Variants in MPP7 observed in about 807,000 individuals in gnomAD.
MPP7 encodes MAGUK p55 scaffold protein 7, also known as MAGUK p55 subfamily member 7.
In MPP7, 60 loss-of-function variants were observed where a neutral mutation model predicts 76.5. The ratio of observed to expected loss-of-function variants is 0.78; its 90% CI spans 0.64 to 0.97. MPP7 has a LOEUF of 0.97. MPP7 is among the 50% of genes least tolerant of loss of function. The pLI is 0.00. For synonymous variants in MPP7, 237 were observed against 244.5 expected, an observed-to-expected ratio of 0.97 and a Z score of 0.29; for missense variants, 641 against 694.0, an observed-to-expected ratio of 0.92 and a Z score of 0.86.
rs185536684 is a variant in MPP7 at position 28,146,203 on chromosome 10, C to T, written c.315+1280G>A. On this transcript the variant is annotated intron_variant, in intron 5 of 16. Coordinates refer to ENST00000683449, the MANE Select transcript of MPP7 (RefSeq NM_001318170.2). ...ACGTTTTTACACACTTTGTATTTAA[C>T]ATCAAGGAACTTTTCTGCTCTAATC... Among the ~76,000 whole-genome samples, 274 of 152,270 alleles carry T rather than the reference C, an allele frequency of 1.8e-3. 1 individual carries two copies. Among genetic ancestry groups the T allele is most frequent in the Admixed American group, 3.5e-3 (54 of 15,290 alleles).
At chr10:28,293,738 T>TA (rs146924119) in intron 1 of MPP7, among the ~76,000 whole-genome samples, 1,657 of 152,276 alleles carry the variant, frequency 0.011, 22 homozygotes, top group African/African-American at 0.038. Context: ...AGTCTCTACA[T>TA]ACCAGGAACT....
chr10:28,243,319 C>T (rs955399259), intron 1 of MPP7, among the ~76,000 whole-genome samples: 8 of 152,078 alleles, frequency 5.3e-5, no homozygotes, highest in African/African-American at 1.9e-4. Flanking sequence ...GAACCAAGTC[C>T]CCACTTTGCA....
intron 2 of MPP7, among the ~76,000 whole-genome samples, chr10:28,313,518 TA>T (rs1204078166): frequency 2.3e-5 from 3 of 128,352 alleles, no homozygotes; most frequent in Non-Finnish European, 3.5e-5. Context: ...AAAGATAAAA[TA>T]AAAAAAAAGG....
intron 2 of MPP7, among the ~76,000 whole-genome samples, chr10:28,324,334 TGCAAG>T (rs762371060): frequency 6.6e-5 from 10 of 152,194 alleles, no homozygotes; most frequent in Non-Finnish European, 1.3e-4. Flanking sequence ...TCTCTATAAC[TGCAAG>T]AAAGAAATTT....
intron 11 of MPP7, among the ~76,000 whole-genome samples, chr10:28,092,319 G>T (rs548788565): frequency 6.6e-6 from 1 of 152,262 alleles, no homozygotes; most frequent in South Asian, 2.1e-4. Context: ...CTTTACAAAG[G>T]TAAAGAGGAG....
intron 2 of MPP7, among the ~76,000 whole-genome samples, chr10:28,328,627 G>C (rs564116854): frequency 5.3e-5 from 8 of 150,608 alleles, no homozygotes; most frequent in Admixed American, 5.3e-4. Context: ...GAGTAGAAAG[G>C]CTTATGTGCT....
chr10:28,290,525 T>C (rs1350522436), intron 1 of MPP7, among the ~76,000 whole-genome samples: 1 of 152,122 alleles, frequency 6.6e-6, no homozygotes, highest in Non-Finnish European at 1.5e-5. Context: ...CAGGCTGGAG[T>C]GCAATGGCAC....
chr10:28,310,203 T>C (rs1018582747), intron 2 of MPP7, among the ~76,000 whole-genome samples: 2 of 152,058 alleles, frequency 1.3e-5, no homozygotes, highest in African/African-American at 4.8e-5. Context: ...GGTTTCACCA[T>C]GTTGGCCAGG....
chr10:28,257,066 A>G (rs1258806724), intron 1 of MPP7, among the ~76,000 whole-genome samples: 6 of 152,214 alleles, frequency 3.9e-5, no homozygotes. Flanking sequence ...CAGAAACAGC[A>G]TAAGTTTCAA....
intron 3 of MPP7, among the ~76,000 whole-genome samples, chr10:28,185,227 G>T (rs1231624924): frequency 6.7e-6 from 1 of 148,908 alleles, no homozygotes; most frequent in African/African-American, 2.5e-5. Context: ...AGTATAATAT[G>T]ATATATTAAG....
chr10:28,054,152 G>A lies in MPP7; in HGVS notation c.1644C>T (p.Leu548=). 1.2e-6 allele frequency: 2 copies of A among 1,610,448 alleles called. No individual in the cohort carries two copies. Among genetic ancestry groups the A allele is most frequent in the South Asian group, 1.1e-5 (1 of 90,882 alleles). ...TTTTGAGCTCATTGAATGCCACAGTGAGGTCATCATTTATTATAATTTTGT... is the reference window on the plus strand; with the variant it reads ...TTTTGAGCTCATTGAATGCCACAGTAAGGTCATCATTTATTATAATTTTGT... The part of the protein sequence containing the change: ...LFDKIIINDD[L]TVAFNELKTT... The change falls in exon 17 of 17, where the codon CTC becomes CTT. Residue 548 remains leucine (L), a synonymous_variant. Coordinates refer to ENST00000683449, the MANE Select transcript of MPP7 (RefSeq NM_001318170.2).
intron 1 of MPP7, among the ~76,000 whole-genome samples, chr10:28,278,538 T>C (rs1214973523): frequency 6.6e-6 from 1 of 151,560 alleles, no homozygotes; most frequent in Non-Finnish European, 1.5e-5. Context: ...TAAAATGTCA[T>C]CTGGTCTCTA....
At chr10:28,090,999 A>G (rs1328434043) in intron 11 of MPP7, among the ~76,000 whole-genome samples, 5 of 152,122 alleles carry the variant, frequency 3.3e-5, no homozygotes, top group East Asian at 1.9e-4. Context: ...ATACAAAAAA[A>G]TTAGCTAAGT....
At position 28,102,022 on chromosome 10, in the gene MPP7, T is replaced by C. The variant is rs374448007; in HGVS notation, c.953-12181A>G. On this transcript the variant is annotated intron_variant, in intron 11 of 16. Coordinates refer to ENST00000683449, the MANE Select transcript of MPP7 (RefSeq NM_001318170.2). ...ATATACATATATAAACATATATGAT[T>C]TGACAGTCTTTATATACAGGCAGCC... Among the ~76,000 whole-genome samples, 53 of 152,322 alleles carry C rather than the reference T, an allele frequency of 3.5e-4. 3 individuals carry two copies. In the South Asian group the frequency reaches 0.011, roughly 30 times the overall value.
chr10:28,202,028 G>A (rs984163421), intron 3 of MPP7, 125 bp downstream of exon 3: 7 of 685,574 alleles, frequency 1.0e-5, no homozygotes, highest in South Asian at 3.7e-5. Flanking sequence ...CACGCCCGTC[G>A]GTGAATGGAA....
At chr10:28,265,204 C>T (rs1256279062) in intron 1 of MPP7, among the ~76,000 whole-genome samples, 1 of 152,044 alleles carries the variant, frequency 6.6e-6, no homozygotes, top group Admixed American at 6.6e-5. Flanking sequence ...GATGCAAAAA[C>T]GAGAAGGGGT....
chr10:28,174,801 C>A (rs943840060), intron 3 of MPP7, among the ~76,000 whole-genome samples: 3 of 152,140 alleles, frequency 2.0e-5, no homozygotes, highest in Non-Finnish European at 4.4e-5. Flanking sequence ...AGTGGCATTA[C>A]CAAAGTGGTC....
intron 3 of MPP7, among the ~76,000 whole-genome samples, chr10:28,152,120 C>T (rs904125479): frequency 1.3e-5 from 2 of 152,104 alleles, no homozygotes; most frequent in African/African-American, 2.4e-5. Flanking sequence ...CAAATAAACA[C>T]ATTATTTCTC....
chr10:28,068,215 C>G (rs894849663), intron 13 of MPP7, among the ~76,000 whole-genome samples: 2 of 152,002 alleles, frequency 1.3e-5, no homozygotes, highest in Non-Finnish European at 2.9e-5. Context: ...AAAAAAATGT[C>G]TAGTTCCACA....
Sources: gnomAD v4.1 joint callset for allele counts (sites outside exome capture counted in the v4.1 genomes callset) on GRCh38, gnomAD v4.1.1 for gene constraint, MANE v1.5 for transcripts, NCBI Gene and HGNC (gene_info 2026-07-23, HGNC 2026-07-21) for gene names.